PPP3CA: variants seen among roughly 807,000 people sequenced by gnomAD.
PPP3CA encodes the protein protein phosphatase 3 catalytic subunit alpha.
A neutral mutation model predicts 66.5 loss-of-function variants in PPP3CA; 14 were observed. The ratio of observed to expected loss-of-function variants is 0.21; its 90% CI spans 0.14 to 0.33. PPP3CA has a LOEUF of 0.33. PPP3CA is among the 10% of genes least tolerant of loss of function. PPP3CA has a pLI of 1.00. For missense variants in PPP3CA, 317 were observed against 639.5 expected (o/e 0.50, Z 5.44); for synonymous variants, 232 against 226.2 (o/e 1.03, Z -0.23).
At chr4:101,126,714 T>C (rs961516312) in intron 2 of PPP3CA, among the ~76,000 whole-genome samples, 1 of 152,282 alleles carries the variant, frequency 6.6e-6, no homozygotes, top group South Asian at 2.1e-4. Flanking sequence ...ACAATACCTA[T>C]TGGCTACACA....
intron 2 of PPP3CA, among the ~76,000 whole-genome samples, chr4:101,118,350 C>T (rs1015889760): frequency 1.3e-5 from 2 of 151,924 alleles, no homozygotes; most frequent in African/African-American, 4.8e-5. Flanking sequence ...TCTGTTTCTT[C>T]ACATGTAAAG....
At chr4:101,198,939 T>A (rs961052459) in intron 1 of PPP3CA, among the ~76,000 whole-genome samples, 2 of 152,166 alleles carry the variant, frequency 1.3e-5, no homozygotes, top group Admixed American at 6.6e-5. Context: ...CTATTTCCAA[T>A]TGGATGGAAG....
intron 10 of PPP3CA, among the ~76,000 whole-genome samples, chr4:101,048,776 T>C (rs576492339): frequency 1.8e-4 from 27 of 152,232 alleles, no homozygotes; most frequent in Admixed American, 1.6e-3. Context: ...ATTTCTTCCA[T>C]ATGTTTTTTT....
chr4:101,230,947 T>A (rs1428078437), intron 1 of PPP3CA, among the ~76,000 whole-genome samples: 1 of 151,746 alleles, frequency 6.6e-6, no homozygotes, highest in Non-Finnish European at 1.5e-5. Context: ...TAGGAAAATT[T>A]TACTCATACC....
chr4:101,165,230 G>A (rs2110310322), intron 2 of PPP3CA, among the ~76,000 whole-genome samples: 1 of 152,216 alleles, frequency 6.6e-6, no homozygotes, highest in South Asian at 2.1e-4. Context: ...TTTGATGTAA[G>A]GGATACTGCA....
Position 101,278,122 on chromosome 4 carries a change from T to TAAAAAAAAAAAAAAAAAA in PPP3CA, c.58+68616_58+68617insTTTTTTTTTTTTTTTTTT, listed in dbSNP as rs3077992. 5.1e-4 allele frequency among the ~76,000 whole-genome samples: 57 copies of TAAAAAAAAAAAAAAAAAA among 112,134 alleles called. 2 individuals are homozygous for TAAAAAAAAAAAAAAAAAA. Among genetic ancestry groups the TAAAAAAAAAAAAAAAAAA allele is most frequent in the African/African-American group, 2.3e-3 (52 of 22,648 alleles). The allele number at this position is 112,134 out of a possible 152,430, so 73.6% of individuals were successfully genotyped here. ...AAAATGAAACTTTAAAAGCTATTAG[T>TAAAAAAAAAAAAAAAAAA]AAAAAAAAAAAAAAAAATAAAAAAA... On this transcript the variant is annotated intron_variant, in intron 1 of 13. Coordinates refer to ENST00000394854, the MANE Select transcript of PPP3CA (RefSeq NM_000944.5).
chr4:101,109,418 A>G (rs1462450437), intron 2 of PPP3CA, among the ~76,000 whole-genome samples: 1 of 151,750 alleles, frequency 6.6e-6, no homozygotes, highest in African/African-American at 2.4e-5. Context: ...ACATTTTTTA[A>G]TGTAACCCTA....
intron 2 of PPP3CA, among the ~76,000 whole-genome samples, chr4:101,122,040 T>C (rs1722048184): frequency 6.6e-6 from 1 of 152,200 alleles, no homozygotes; most frequent in Non-Finnish European, 1.5e-5. Flanking sequence ...GGATGAAATC[T>C]GACTTTACTC....
At chr4:101,238,699 T>TCAGGCCA (rs934601004) in intron 1 of PPP3CA, among the ~76,000 whole-genome samples, 3 of 152,058 alleles carry the variant, frequency 2.0e-5, no homozygotes, top group African/African-American at 7.2e-5. Context: ...AATATTTATC[T>TCAGGCCA]CAGGCCACAA....
At chr4:101,333,261 C>T (rs1729496969) in intron 1 of PPP3CA, among the ~76,000 whole-genome samples, 2 of 135,222 alleles carry the variant, frequency 1.5e-5, no homozygotes, top group South Asian at 4.8e-4. Flanking sequence ...GCATGCACTA[C>T]CATGCCCAGT....
chr4:101,032,873 G>A (rs1002962001), intron 11 of PPP3CA, among the ~76,000 whole-genome samples: 1 of 152,124 alleles, frequency 6.6e-6, no homozygotes, highest in African/African-American at 2.4e-5. Flanking sequence ...GAGAAATTAA[G>A]GCATTTAGTA....
At chr4:101,122,737 G>A (rs1722068795) in intron 2 of PPP3CA, among the ~76,000 whole-genome samples, 1 of 152,126 alleles carries the variant, frequency 6.6e-6, no homozygotes, top group Non-Finnish European at 1.5e-5. Flanking sequence ...AATCAGAGAA[G>A]GATGGTGACA....
At chr4:101,055,574 C>G (rs748531469) in intron 10 of PPP3CA, among the ~76,000 whole-genome samples, 2 of 152,080 alleles carry the variant, frequency 1.3e-5, no homozygotes, top group Non-Finnish European at 2.9e-5. Flanking sequence ...CAATTTAAAA[C>G]AGCAATCTTT....
chr4:101,253,256 C>T (rs759976810), intron 1 of PPP3CA, among the ~76,000 whole-genome samples: 2 of 152,104 alleles, frequency 1.3e-5, no homozygotes, highest in African/African-American at 4.8e-5. Context: ...AATGTCCCTG[C>T]TACTATATAT....
intron 2 of PPP3CA, among the ~76,000 whole-genome samples, chr4:101,136,276 C>T (rs1355715484): frequency 6.6e-6 from 1 of 152,030 alleles, no homozygotes; most frequent in African/African-American, 2.4e-5. Flanking sequence ...GTTCATCAGC[C>T]GGGTGTGTAA....
intron 1 of PPP3CA, among the ~76,000 whole-genome samples, chr4:101,325,897 G>C (rs565962665): frequency 2.6e-5 from 4 of 152,278 alleles, no homozygotes; most frequent in Non-Finnish European, 4.4e-5. Context: ...TAGCACTTTG[G>C]GGGGCTGAGG....
chr4:101,222,554 G>T (rs188080688), intron 1 of PPP3CA, among the ~76,000 whole-genome samples: 44 of 151,448 alleles, frequency 2.9e-4, no homozygotes, highest in African/African-American at 9.9e-4. Flanking sequence ...TTTTTAAATT[G>T]CCCAACATTA....
At chr4:101,296,262 G>C (rs915981413) in intron 1 of PPP3CA, among the ~76,000 whole-genome samples, 1 of 151,948 alleles carries the variant, frequency 6.6e-6, no homozygotes, top group African/African-American at 2.4e-5. Context: ...AATTTCTATT[G>C]GTATGTAATT....
intron 7 of PPP3CA, among the ~76,000 whole-genome samples, 181 bp from the exon 8 acceptor site, chr4:101,080,807 A>AG (rs890946084): frequency 1.6e-4 from 25 of 152,136 alleles, no homozygotes; most frequent in Admixed American, 4.6e-4. Context: ...AATACATTTC[A>AG]GGGGGGTGGG....
Sources: gnomAD v4.1 joint callset for allele counts (sites outside exome capture counted in the v4.1 genomes callset) on GRCh38, gnomAD v4.1.1 for gene constraint, MANE v1.5 for transcripts, NCBI Gene and HGNC (gene_info 2026-07-23, HGNC 2026-07-21) for gene names.